Variants in NEXMIF observed in about 807,000 individuals in gnomAD.
NEXMIF encodes the protein XLMR protein related to neurite extension.
In NEXMIF, 8 loss-of-function variants were observed where a neutral mutation model predicts 62.1. That is an observed-to-expected ratio of 0.13 (90% confidence interval 0.08 to 0.23). NEXMIF has a LOEUF of 0.23. Ranked by LOEUF, NEXMIF falls within the 10% of genes least tolerant of loss-of-function variation. NEXMIF has a pLI of 1.00. For missense variants in NEXMIF, 976 were observed against 1,113.3 expected, an observed-to-expected ratio of 0.88 and a Z score of 1.75; for synonymous variants, 404 against 416.6, an observed-to-expected ratio of 0.97 and a Z score of 0.37.
chrX:74,786,816 TAC>T (rs761602482), intron 1 of NEXMIF, among the ~76,000 whole-genome samples: 209 of 106,982 alleles, frequency 2.0e-3, no homozygotes, highest in Middle Eastern at 9.6e-3. Flanking sequence ...AACAAGGTTG[TAC>T]ACACACACAC....
At chrX:74,755,951 C>T (rs766664816) in intron 1 of NEXMIF, among the ~76,000 whole-genome samples, 2 of 112,056 alleles carry the variant, frequency 1.8e-5, no homozygotes, top group South Asian at 7.4e-4. Context: ...GTCACGCTCA[C>T]TGCAACCTCT....
intron 1 of NEXMIF, among the ~76,000 whole-genome samples, chrX:74,888,528 A>T (rs1386387731): frequency 1.8e-5 from 2 of 108,400 alleles, no homozygotes. Flanking sequence ...AACATCACAC[A>T]CCGGGGCATG....
At chrX:74,766,040 C>G (rs1256785969) in intron 1 of NEXMIF, among the ~76,000 whole-genome samples, 1 of 42,153 alleles carries the variant, frequency 2.4e-5, no homozygotes, top group African/African-American at 4.6e-5. Context: ...GACTCTGTCT[C>G]CAAAAAAAAA....
intron 1 of NEXMIF, among the ~76,000 whole-genome samples, chrX:74,907,344 C>A (rs1309158905): frequency 1.4e-5 from 1 of 71,291 alleles, no homozygotes; most frequent in South Asian, 9.0e-4. Flanking sequence ...ACCCCCCCCC[C>A]CGCCCCTTAC....
At chrX:74,893,758 A>T (rs2080724768) in intron 1 of NEXMIF, among the ~76,000 whole-genome samples, 1 of 112,174 alleles carries the variant, frequency 8.9e-6, no homozygotes, top group African/African-American at 3.2e-5. Context: ...CAGAAATTAT[A>T]GCATCCTAAA....
intron 1 of NEXMIF, among the ~76,000 whole-genome samples, chrX:74,790,320 G>A (rs1392319786): frequency 8.9e-6 from 1 of 112,405 alleles, no homozygotes; most frequent in East Asian, 2.7e-4. Flanking sequence ...GCTCTGTTCT[G>A]TTCCATTGAT....
intron 2 of NEXMIF, 120 bp downstream of exon 2, chrX:74,745,452 C>T: frequency 2.0e-6 from 1 of 490,290 alleles, no homozygotes; most frequent in Middle Eastern, 4.5e-4. Flanking sequence ...TTACAATTAA[C>T]ATTCATTTCA....
At chrX:74,874,677 G>T (rs1477955374) in intron 1 of NEXMIF, among the ~76,000 whole-genome samples, 1 of 91,441 alleles carries the variant, frequency 1.1e-5, no homozygotes, top group African/African-American at 4.2e-5. Context: ...CTTGAGCAGT[G>T]GTTTGTAGTT....
chrX:74,800,185 A>G (rs2080325178), intron 1 of NEXMIF, among the ~76,000 whole-genome samples: 1 of 111,725 alleles, frequency 9.0e-6, no homozygotes, highest in African/African-American at 3.3e-5. Context: ...ATTTGCATGT[A>G]ACCTTGGGAA....
intron 1 of NEXMIF, chrX:74,769,767 T>C: frequency 1.8e-6 from 1 of 557,138 alleles, no homozygotes; most frequent in Non-Finnish European, 3.3e-6. Context: ...TTGGAGAGAT[T>C]GTATATGAAA....
At chrX:74,808,763 C>T (rs911171686) in intron 1 of NEXMIF, among the ~76,000 whole-genome samples, 5 of 111,853 alleles carry the variant, frequency 4.5e-5, no homozygotes, top group African/African-American at 1.3e-4. Flanking sequence ...GCTCTATTAG[C>T]TTTTACTGAT....
chrX:74,783,414 T>C (rs1239649845), intron 1 of NEXMIF, among the ~76,000 whole-genome samples: 1 of 111,743 alleles, frequency 8.9e-6, no homozygotes, highest in Non-Finnish European at 1.9e-5. Context: ...ATGAGTTCCC[T>C]TGATGGCAGG....
Position 74,740,900 on chromosome X carries a change from G to C in NEXMIF, c.3657C>G (p.Val1219=). Residue 1219 remains valine (V), a synonymous_variant, in exon 3 of 4, where the codon GTC becomes GTG. Coordinates refer to ENST00000055682, the MANE Select transcript of NEXMIF (RefSeq NM_001008537.3). The part of the protein sequence containing the change: ...EKPPGKNSRQ[V]PKSTKKGKYM... ...ATTTCCCTTTCTTTGTGGACTTAGG[G>C]ACCTGGCGGGAGTTTTTGCCAGGTG... is the stretch of plus-strand genomic sequence containing the variant. The C allele has an allele frequency of 8.3e-7, 1 of 1,211,426 alleles. No homozygotes were observed. Among genetic ancestry groups the C allele is most frequent in the Non-Finnish European group, 1.1e-6 (1 of 895,082 alleles).
intron 1 of NEXMIF, among the ~76,000 whole-genome samples, chrX:74,807,762 T>C (rs574062329): frequency 5.4e-5 from 6 of 111,850 alleles, no homozygotes; most frequent in African/African-American, 1.9e-4. Context: ...CATGCTGACA[T>C]TCTTTTCCTT....
chrX:74,889,356 T>C (rs2080709103), intron 1 of NEXMIF, among the ~76,000 whole-genome samples: 2 of 111,957 alleles, frequency 1.8e-5, no homozygotes, highest in African/African-American at 6.5e-5. Flanking sequence ...CAAATGGGGA[T>C]GGAAAGGCAA....
intron 1 of NEXMIF, among the ~76,000 whole-genome samples, chrX:74,848,095 C>T (rs2080499215): frequency 9.0e-6 from 1 of 111,675 alleles, no homozygotes; most frequent in Non-Finnish European, 1.9e-5. Context: ...AAAAAAATCC[C>T]TCCTGTTGAA....
intron 1 of NEXMIF, among the ~76,000 whole-genome samples, chrX:74,841,920 G>A (rs749283688): frequency 5.8e-4 from 65 of 111,540 alleles, no homozygotes; most frequent in Non-Finnish European, 1.1e-3. Flanking sequence ...TGTTCATCAA[G>A]GATATTGACC....
intron 1 of NEXMIF, among the ~76,000 whole-genome samples, chrX:74,857,776 T>G (rs946742033): frequency 2.7e-5 from 3 of 111,859 alleles, no homozygotes; most frequent in Non-Finnish European, 5.6e-5. Flanking sequence ...AAAGGGAGGC[T>G]GACTTCCATG....
chrX:74,796,152 TA>T (rs1357574838), intron 1 of NEXMIF, among the ~76,000 whole-genome samples: 6 of 74,496 alleles, frequency 8.1e-5, no homozygotes, highest in African/African-American at 1.1e-4. Context: ...ATTATATATA[TA>T]CATATATATT....
Sources: gnomAD v4.1 joint callset for allele counts (sites outside exome capture counted in the v4.1 genomes callset) on GRCh38, gnomAD v4.1.1 for gene constraint, MANE v1.5 for transcripts, NCBI Gene and HGNC (gene_info 2026-07-23, HGNC 2026-07-21) for gene names.